Variants in SPOCK3 observed in about 807,000 individuals in gnomAD.
SPOCK3 encodes testican-3.
Under a neutral mutation model 56.6 loss-of-function variants are expected in SPOCK3, and 30 were observed. The ratio of observed to expected loss-of-function variants is 0.53; its 90% confidence interval spans 0.40 to 0.72. SPOCK3 has a LOEUF of 0.72. Among genes scored for constraint, SPOCK3 ranks in the 30% least tolerant of loss-of-function variants. SPOCK3 has a pLI of 0.00. For missense variants in SPOCK3, 527 were observed against 530.0 expected (o/e 0.99, Z 0.06); for synonymous variants, 196 against 183.3 (o/e 1.07, Z -0.56).
chr4:166,947,078 AT>A (rs910265319), intron 4 of SPOCK3, among the ~76,000 whole-genome samples: 14 of 151,286 alleles, frequency 9.3e-5, no homozygotes, highest in South Asian at 6.3e-4. Context: ...TTTAGGCACT[AT>A]TTTTTTTTAA....
At chr4:167,028,993 A>G (rs986903605) in intron 3 of SPOCK3, among the ~76,000 whole-genome samples, 2 of 151,952 alleles carry the variant, frequency 1.3e-5, no homozygotes, top group African/African-American at 2.4e-5. Context: ...AACGAGTGCC[A>G]TGGTGGTTTC....
At chr4:166,811,915 A>C (rs1743851518) in intron 6 of SPOCK3, among the ~76,000 whole-genome samples, 1 of 151,842 alleles carries the variant, frequency 6.6e-6, no homozygotes, top group African/African-American at 2.4e-5. Context: ...GACTGCCTAG[A>C]TTGGCTAATA....
chr4:166,830,865 T>C (rs1047726032), intron 6 of SPOCK3, among the ~76,000 whole-genome samples: 2 of 152,172 alleles, frequency 1.3e-5, no homozygotes, highest in East Asian at 3.9e-4. Flanking sequence ...GAGAACTTCC[T>C]CAAGGAAGAA....
chr4:167,027,421 G>A (rs903585374), intron 3 of SPOCK3, among the ~76,000 whole-genome samples: 1 of 151,830 alleles, frequency 6.6e-6, no homozygotes, highest in African/African-American at 2.4e-5. Flanking sequence ...AATGTCCCTT[G>A]TCTTGCATTT....
intron 5 of SPOCK3, 150 bp downstream of exon 5, chr4:166,912,470 G>T: frequency 1.2e-6 from 1 of 843,710 alleles, no homozygotes; most frequent in Non-Finnish European, 1.8e-6. Flanking sequence ...AATGCACATT[G>T]AATCATATTC....
chr4:167,053,910 C>T (rs997062650), intron 3 of SPOCK3, among the ~76,000 whole-genome samples: 1 of 151,952 alleles, frequency 6.6e-6, no homozygotes, highest in Non-Finnish European at 1.5e-5. Context: ...AGAAACACAT[C>T]AAAAAATGAA....
At chr4:166,824,675 G>C (rs1745278074) in intron 6 of SPOCK3, among the ~76,000 whole-genome samples, 1 of 152,022 alleles carries the variant, frequency 6.6e-6, no homozygotes, top group Non-Finnish European at 1.5e-5. Flanking sequence ...CCAGTATTTT[G>C]TTACATGTTA....
At chr4:166,970,566 A>T (rs1255476188) in intron 4 of SPOCK3, among the ~76,000 whole-genome samples, 2 of 152,080 alleles carry the variant, frequency 1.3e-5, no homozygotes, top group African/African-American at 2.4e-5. Flanking sequence ...TTTACTAAGA[A>T]TACAAAAATT....
intron 3 of SPOCK3, among the ~76,000 whole-genome samples, chr4:167,044,046 AC>A (rs1753486293): frequency 6.6e-6 from 1 of 151,744 alleles, no homozygotes; most frequent in South Asian, 2.1e-4. Context: ...GTTGATTTGA[AC>A]TCACCAGTAT....
chr4:166,941,882 C>A (rs144776411), intron 4 of SPOCK3, among the ~76,000 whole-genome samples: 24 of 152,134 alleles, frequency 1.6e-4, no homozygotes, highest in Non-Finnish European at 3.4e-4. Flanking sequence ...TGAAATGACT[C>A]CAGCCTAGCC....
At chr4:167,050,013 T>A in intron 3 of SPOCK3, among the ~76,000 whole-genome samples, 1 of 152,206 alleles carries the variant, frequency 6.6e-6, no homozygotes, top group Non-Finnish European at 1.5e-5. Context: ...TTACTAGCTT[T>A]GTATCTACTT....
At chr4:167,057,695 A>ATTAC (rs1374865073) in intron 3 of SPOCK3, among the ~76,000 whole-genome samples, 1 of 152,242 alleles carries the variant, frequency 6.6e-6, no homozygotes, top group African/African-American at 2.4e-5. Context: ...AAAGAAGGCC[A>ATTAC]TTACTTAATG....
chr4:166,807,460 C>G (rs1181835328), intron 6 of SPOCK3, among the ~76,000 whole-genome samples: 1 of 152,136 alleles, frequency 6.6e-6, no homozygotes, highest in Non-Finnish European at 1.5e-5. Context: ...CTTCACCATG[C>G]TGTTGCTATG....
intron 6 of SPOCK3, among the ~76,000 whole-genome samples, chr4:166,841,462 A>T (rs928105636): frequency 5.9e-5 from 9 of 152,234 alleles, no homozygotes; most frequent in African/African-American, 1.9e-4. Flanking sequence ...ATTATTTTAC[A>T]TTATGCACTG....
chr4:166,947,120 T>C (rs72971679), intron 4 of SPOCK3, among the ~76,000 whole-genome samples: 2 of 152,042 alleles, frequency 1.3e-5, no homozygotes, highest in Admixed American at 6.5e-5. Flanking sequence ...TTTTACCATA[T>C]AAAATTAACT....
intron 6 of SPOCK3, among the ~76,000 whole-genome samples, chr4:166,838,151 A>G (rs1460176322): frequency 2.0e-5 from 3 of 151,732 alleles, no homozygotes; most frequent in African/African-American, 7.3e-5. Flanking sequence ...CTTGGTGTGG[A>G]TTTCTTTAGC....
At chr4:166,891,080 C>CT (rs1734726708) in intron 5 of SPOCK3, among the ~76,000 whole-genome samples, 1 of 151,894 alleles carries the variant, frequency 6.6e-6, no homozygotes, top group Non-Finnish European at 1.5e-5. Context: ...GCAACCCCTT[C>CT]TTTTTTTGCT....
intron 2 of SPOCK3, among the ~76,000 whole-genome samples, chr4:167,092,126 G>A (rs528577137): frequency 7.8e-4 from 118 of 152,202 alleles, no homozygotes; most frequent in Admixed American, 1.2e-3. Context: ...TAGACAGTGG[G>A]TGCAGCACAC....
intron 2 of SPOCK3, among the ~76,000 whole-genome samples, chr4:167,078,459 A>G (rs1757410166): frequency 6.6e-6 from 1 of 150,908 alleles, no homozygotes; most frequent in South Asian, 2.1e-4. Context: ...AGATAGGCAA[A>G]CTCATAATCA....
Sources: gnomAD v4.1 joint callset for allele counts (sites outside exome capture counted in the v4.1 genomes callset) on GRCh38, gnomAD v4.1.1 for gene constraint, MANE v1.5 for transcripts, NCBI Gene and HGNC (gene_info 2026-07-23, HGNC 2026-07-21) for gene names.